The following ABR variants were observed in gnomAD, a reference collection of about 807,000 sequenced individuals.
The protein encoded by ABR is active breakpoint cluster region-related protein.
A neutral mutation model predicts 107.2 loss-of-function variants in ABR; 35 were observed. That is an observed-to-expected ratio of 0.33 (90% CI 0.25 to 0.43). ABR has a LOEUF of 0.43. Ranked by LOEUF, ABR falls within the 20% of genes least tolerant of loss-of-function variation. The pLI is 1.00. For missense variants in ABR, 815 were observed against 1,115.2 expected (o/e 0.73, Z 3.83); for synonymous variants, 498 against 462.0 (o/e 1.08, Z -1.00).
At chr17:1,018,326 G>A (rs1253661061) in intron 16 of ABR, among the ~76,000 whole-genome samples, 1 of 152,228 alleles carries the variant, frequency 6.6e-6, no homozygotes, top group Non-Finnish European at 1.5e-5. Flanking sequence ...ACGGGCGTGA[G>A]CCACCACGCC....
At chr17:1,153,770 G>C (rs1476946376) in intron 1 of ABR, 2 of 213,106 alleles carry the variant, frequency 9.4e-6, no homozygotes, top group African/African-American at 5.0e-5. Flanking sequence ...TGGGGGTCCA[G>C]GCACACCTGC....
chr17:1,038,923 G>A (rs1480652320), intron 16 of ABR, among the ~76,000 whole-genome samples: 2 of 152,226 alleles, frequency 1.3e-5, no homozygotes, highest in Admixed American at 1.3e-4. Flanking sequence ...CCGCCAGCAG[G>A]GAGGTTAGCG....
intron 1 of ABR, among the ~76,000 whole-genome samples, chr17:1,224,257 A>C (rs1221406238): frequency 6.6e-6 from 1 of 152,106 alleles, no homozygotes; most frequent in Non-Finnish European, 1.5e-5. Context: ...CCTGGTACCA[A>C]GCAAGGCTAC....
chr17:1,220,609 C>T (rs966702678), intron 1 of ABR, among the ~76,000 whole-genome samples: 3 of 152,120 alleles, frequency 2.0e-5, no homozygotes, highest in Admixed American at 6.6e-5. Flanking sequence ...CAAATCTGCC[C>T]CAACACCTGG....
chr17:1,133,268 A>G (rs1249064626), intron 1 of ABR, among the ~76,000 whole-genome samples: 1 of 151,910 alleles, frequency 6.6e-6, no homozygotes, highest in African/African-American at 2.4e-5. Context: ...AGTTGGCCCA[A>G]CTTTTCTAGA....
At position 1,079,415 on chromosome 17, in the gene ABR, T is replaced by G. The variant is rs368134589; in HGVS notation, c.640-25A>C. The G allele has an allele frequency of 6.2e-6, 10 of 1,603,532 alleles. No individual in the cohort carries two copies. In the South Asian group the frequency reaches 1.0e-4, roughly 16 times the overall value. On this transcript the variant is annotated intron_variant, in intron 5 of 22. Transcript: ENST00000302538. ...CCTGCCAAAGGGAGGAGAGGAGTCA[T>G]GGCCTGTTCTGTCCCTCACCTCTCC...
At chr17:1,151,881 G>A (rs552487945) in intron 1 of ABR, among the ~76,000 whole-genome samples, 1 of 151,988 alleles carries the variant, frequency 6.6e-6, no homozygotes, top group South Asian at 2.1e-4. Context: ...TTAGCCGGGC[G>A]TGGTGATGAG....
At chr17:1,204,002 G>A (rs1318632103) in intron 1 of ABR, among the ~76,000 whole-genome samples, 1 of 152,142 alleles carries the variant, frequency 6.6e-6, no homozygotes, top group Admixed American at 6.5e-5. Flanking sequence ...CCGAGGGGAG[G>A]GCACGAGAAA....
At chr17:1,208,671 G>A (rs992308456) in intron 1 of ABR, among the ~76,000 whole-genome samples, 1 of 152,220 alleles carries the variant, frequency 6.6e-6, no homozygotes, top group Non-Finnish European at 1.5e-5. Flanking sequence ...GGCGGATCAC[G>A]AGGTCGGGAG....
chr17:1,100,791 C>T lies in ABR; in HGVS notation c.247-56G>A, dbSNP rs552005223. ...CATGAGCAAGGAGGCCAAAACCCTG[C>T]GTGGACGGTCTGCTTCCCTGCCCTT... is the stretch of plus-strand genomic sequence containing the variant. On this transcript the variant is annotated intron_variant, in intron 2 of 22. Coordinates refer to ENST00000302538, the MANE Select transcript of ABR (RefSeq NM_021962.5). 1,672 of 1,542,092 alleles carry T rather than the reference C, an allele frequency of 1.1e-3. 12 individuals are homozygous for T. The highest frequency in any genetic ancestry group is 6.8e-3 in the South Asian group (608 of 89,626).
chr17:1,204,670 C>G (rs1249388190), intron 1 of ABR, among the ~76,000 whole-genome samples: 3 of 152,148 alleles, frequency 2.0e-5, no homozygotes, highest in Non-Finnish European at 2.9e-5. Flanking sequence ...AGGTTCGTAC[C>G]TAGGAGCAGT....
At position 1,157,477 on chromosome 17, in the gene ABR, C is replaced by T. The variant is rs1320650409; in HGVS notation, c.61+22190G>A. Among the ~76,000 whole-genome samples, 1 of 152,152 alleles carries T rather than the reference C, an allele frequency of 6.6e-6. No individual in the cohort carries two copies. The highest frequency in any genetic ancestry group is 1.5e-5 in the Non-Finnish European group (1 of 68,026). On this transcript the variant is annotated intron_variant, in intron 1 of 22. Coordinates refer to ENST00000302538, the MANE Select transcript of ABR (RefSeq NM_021962.5). The surrounding 1 kb of genome is among the most constrained non-coding windows in gnomAD (Gnocchi z 4.7). ...TGTTGGCCAGGCTGGTCTCGAACTC[C>T]TGACCTCATGTGATCTGCCTGCCTC...
At chr17:1,138,546 T>G (rs1351218878) in intron 1 of ABR, among the ~76,000 whole-genome samples, 1 of 152,042 alleles carries the variant, frequency 6.6e-6, no homozygotes, top group Non-Finnish European at 1.5e-5. Context: ...GGCACAAACA[T>G]AGCTCATTGC....
At chr17:1,138,637 C>T (rs1183882735) in intron 1 of ABR, among the ~76,000 whole-genome samples, 2 of 152,092 alleles carry the variant, frequency 1.3e-5, no homozygotes, top group Non-Finnish European at 1.5e-5. Flanking sequence ...ACAACCATGC[C>T]TGGCTGATTC....
At chr17:1,220,171 G>T (rs1456023619) in intron 1 of ABR, among the ~76,000 whole-genome samples, 1 of 151,844 alleles carries the variant, frequency 6.6e-6, no homozygotes, top group Non-Finnish European at 1.5e-5. Flanking sequence ...GGCGCCTGTG[G>T]TCCCAGCTAC....
At chr17:1,074,539 T>C (rs995649277) in intron 6 of ABR, among the ~76,000 whole-genome samples, 2 of 152,238 alleles carry the variant, frequency 1.3e-5, no homozygotes, top group Non-Finnish European at 2.9e-5. Context: ...GACCTTATCA[T>C]TCTCAGGCTC....
intron 16 of ABR, among the ~76,000 whole-genome samples, chr17:1,033,603 C>T (rs532172701): frequency 1.8e-4 from 28 of 152,344 alleles, no homozygotes; most frequent in Middle Eastern, 3.4e-3. Flanking sequence ...GGGCTAGAAC[C>T]GGGCCTCAGT....
chr17:1,125,486 G>T, intron 1 of ABR, 119 bp from the exon 2 acceptor site: 4 of 1,163,282 alleles, frequency 3.4e-6, no homozygotes, highest in Non-Finnish European at 4.9e-6. Context: ...CACCATCCAC[G>T]CCTGGCCCGG....
intron 2 of ABR, among the ~76,000 whole-genome samples, chr17:1,122,420 G>A (rs2258638): frequency 0.98 from 148,670 of 152,290 alleles, 72,680 homozygotes; most frequent in Middle Eastern, 1. Context: ...CCTCCCCAGT[G>A]TAGGTGGGCC....
Sources: gnomAD v4.1 joint callset for allele counts (sites outside exome capture counted in the v4.1 genomes callset) on GRCh38, gnomAD v4.1.1 for gene constraint, Gnocchi (gnomAD v3.1) non-coding constraint, MANE v1.5 for transcripts, NCBI Gene and HGNC (gene_info 2026-07-23, HGNC 2026-07-21) for gene names.